Variants in E2F2 observed in about 807,000 individuals in gnomAD.
The protein encoded by E2F2 is transcription factor E2F2.
In E2F2, 22 loss-of-function variants were observed where a neutral mutation model predicts 42.2. The observed-to-expected ratio is 0.52, with a 90% CI of 0.37 to 0.74. The LOEUF (loss-of-function observed/expected upper bound fraction) is 0.74, where lower values mean the gene tolerates loss of function less well. Ranked by LOEUF, E2F2 falls within the 30% of genes least tolerant of loss-of-function variation. E2F2 has a pLI of 0.00. For missense variants in E2F2, 481 were observed against 557.8 expected (o/e 0.86, Z 1.39); for synonymous variants, 248 against 251.6 (o/e 0.99, Z 0.13).
chr1:23,521,015 TG>T lies in E2F2; in HGVS notation c.634del (p.Gln212ArgfsTer3). ...TRPGKQQQLGQELKELMNTEQ... is the reference protein window; with the variant it reads ...TRPGKQQQLGXELKELMNTEQ... ...CGTGTTCATCAGCTCCTTCAGCTCC[TG>T]CCCCAGCTGTTGCTGCTTCCCAGGT... On this transcript the variant is annotated frameshift_variant, in exon 4 of 7. Transcript: ENST00000361729. LOFTEE classifies it high-confidence loss of function. 6.2e-7 allele frequency: 1 copy of T among 1,613,784 alleles called. No homozygotes were observed. The highest frequency in any genetic ancestry group is 8.5e-7 in the Non-Finnish European group (1 of 1,179,790).
rs199962144 is a variant in E2F2 at position 23,516,435 on chromosome 1, C to T, written c.945G>A (p.Glu315=). ...EEVQEPDSPS[E]EPLPSTSTLC... ...GGGTGGAGGTAGAGGGGAGAGGCTC[C>T]TCGGAAGGACTGTCCGGCTCCTGCA... The change falls in exon 6 of 7, where the codon GAG becomes GAA. Residue 315 remains glutamate, a synonymous_variant. Coordinates refer to ENST00000361729, the MANE Select transcript of E2F2 (RefSeq NM_004091.4). 71 of 1,604,260 alleles carry T rather than the reference C, an allele frequency of 4.4e-5. No homozygotes were observed. The East Asian group carries it at 1.5e-3, about 34-fold the overall frequency.
Position 23,530,873 on chromosome 1 carries a change from A to C in E2F2, c.-80T>G. On this transcript the variant is annotated 5_prime_UTR_variant, in exon 1 of 7. Transcript: ENST00000361729. The surrounding 1 kb of genome is among the most constrained non-coding windows in gnomAD (Gnocchi z 4.4). ...GGGTTCCGGTGCTGCCGCCTTTCAC[A>C]CGGCCCGCGGCATGGCGCGGAGGCC... 4 of 1,397,086 alleles carry C rather than the reference A, an allele frequency of 2.9e-6. No individual in the cohort carries two copies. Among genetic ancestry groups the C allele is most frequent in the Non-Finnish European group, 3.7e-6 (4 of 1,076,396 alleles). 86.5% of individuals were successfully genotyped at this position (1,397,086 alleles called of 1,614,324 possible).
chr1:23,509,181 G>C lies in E2F2; in HGVS notation c.*699C>G, dbSNP rs1426128383. Reference sequence around the variant, plus strand: ...CTGGGACCATCTCTGGGACAGAGGCGACCAGGAAGCCAAGACCGGCAGCTC... The same window carrying C: ...CTGGGACCATCTCTGGGACAGAGGCCACCAGGAAGCCAAGACCGGCAGCTC... On this transcript the variant is annotated 3_prime_UTR_variant, in exon 7 of 7. Transcript: ENST00000361729. 1 of 152,184 alleles carries C rather than the reference G, an allele frequency of 6.6e-6. No individual in the cohort carries two copies. The highest frequency in any genetic ancestry group is 1.5e-5 in the Non-Finnish European group (1 of 68,056). The allele number at this position is 152,184 out of a possible 1,614,324, so 9.4% of individuals were successfully genotyped here.
At position 23,509,785 on chromosome 1, in the gene E2F2, C is replaced by A; in HGVS notation, c.*95G>T. ...AGACCCCATGCCCTGAGGGCAGCAC[C>A]TAGTGTCCAATGTCCCTGTGCAGGC... is the stretch of plus-strand genomic sequence containing the variant. On this transcript the variant is annotated 3_prime_UTR_variant, in exon 7 of 7. Transcript: ENST00000361729. 6.9e-7 allele frequency: 1 copy of A among 1,450,052 alleles called. No homozygotes were observed. The highest frequency in any genetic ancestry group is 2.5e-5 in the East Asian group (1 of 39,610). The allele number at this position is 1,450,052 out of a possible 1,614,324, so 89.8% of individuals were successfully genotyped here. A position where few individuals can be genotyped will look rare whatever the true frequency, so the allele number is the denominator to read the frequency against.
In E2F2 at chr1:23,506,606, AG is replaced by A. The variant is rs1176864943; in HGVS notation, c.*3273del. The A allele has an allele frequency of 6.6e-6, 1 of 152,264 alleles. No homozygotes were observed. The highest frequency in any genetic ancestry group is 1.5e-5 in the Non-Finnish European group (1 of 68,064). 9.4% of individuals were successfully genotyped at this position (152,264 alleles called of 1,614,324 possible). On this transcript the variant is annotated 3_prime_UTR_variant, in exon 7 of 7. Coordinates refer to ENST00000361729, the MANE Select transcript of E2F2 (RefSeq NM_004091.4). ...TCACCCTCGAAAAGTGCCACAGGCA[AG>A]GTTCTTCAGCTCACCCAGGAGCCAG...
chr1:23,510,367 C>T (rs1038067931), intron 6 of E2F2, among the ~76,000 whole-genome samples: 12 of 152,102 alleles, frequency 7.9e-5, no homozygotes, highest in South Asian at 6.2e-4. Context: ...ACTCTATCAC[C>T]CAGGCTAGAG....
intron 1 of E2F2, among the ~76,000 whole-genome samples, chr1:23,525,195 C>G (rs2811977): frequency 9.1e-4 from 139 of 152,096 alleles, no homozygotes; most frequent in African/African-American, 2.6e-3. Flanking sequence ...GCCACCCCCC[C>G]CCTCCAGCTC....
intron 6 of E2F2, among the ~76,000 whole-genome samples, chr1:23,513,563 TGTGTG>T (rs1391430556): frequency 6.5e-4 from 3 of 4,632 alleles, no homozygotes; most frequent in Non-Finnish European, 2.2e-3. Context: ...GCACGGAACA[TGTGTG>T]TGTGTGTGTG....
In E2F2 at chr1:23,524,381, A is replaced by G. The variant is rs1255167226; in HGVS notation, c.358+2T>C. The G allele has an allele frequency of 6.3e-7, 1 of 1,597,106 alleles. No individual in the cohort carries two copies. Among genetic ancestry groups the G allele is most frequent in the South Asian group, 1.1e-5 (1 of 89,666 alleles). On this transcript the variant is annotated splice_donor_variant, in intron 2 of 6. Transcript: ENST00000361729. LOFTEE classifies it high-confidence loss of function. ...CCCAGAGGCCCCATCAGCACTGCTT[A>G]CTTTTGGGGCTGGGGAGGCCATCCA... is the stretch of plus-strand genomic sequence containing the variant.
intron 5 of E2F2, among the ~76,000 whole-genome samples, chr1:23,518,487 A>G (rs1643070475): frequency 6.6e-6 from 1 of 151,972 alleles, no homozygotes; most frequent in African/African-American, 2.4e-5. Flanking sequence ...AAATAAATAA[A>G]TAAATAAATA....
intron 6 of E2F2, 45 bp from the exon 7 acceptor site, chr1:23,510,193 C>T (rs1476270247): frequency 1.3e-6 from 2 of 1,499,400 alleles, no homozygotes; most frequent in African/African-American, 2.8e-5. Context: ...TAGCATCCAA[C>T]TCCTCAGCAC....
intron 6 of E2F2, among the ~76,000 whole-genome samples, chr1:23,513,317 T>G (rs1270872516): frequency 6.6e-6 from 1 of 151,982 alleles, no homozygotes; most frequent in Non-Finnish European, 1.5e-5. Flanking sequence ...CAATTTCAAA[T>G]CCTGTGCCAT....
intron 5 of E2F2, among the ~76,000 whole-genome samples, chr1:23,517,537 C>G (rs573082793): frequency 4.6e-5 from 7 of 152,340 alleles, no homozygotes; most frequent in African/African-American, 1.7e-4. Context: ...CCTTAATTGT[C>G]TCTGCAGCCC....
At chr1:23,519,155 T>C in intron 4 of E2F2, 25 bp from the exon 5 acceptor site, 4 of 1,593,980 alleles carry the variant, frequency 2.5e-6, no homozygotes, top group South Asian at 1.1e-5. Context: ...TCAAGAAAAG[T>C]GACTGTCTGG....
In E2F2 at chr1:23,520,997, A is replaced by G; in HGVS notation, c.653T>C (p.Met218Thr). ...CTGGTCCAAGGCCTGCTCCGTGTTC[A>G]TCAGCTCCTTCAGCTCCTGCCCCAG... Reference protein sequence around the residue: ...QQLGQELKELMNTEQALDQLI... With the variant: ...QQLGQELKELTNTEQALDQLI... Residue 218 changes from methionine to threonine, a missense_variant, in exon 4 of 7, where the codon ATG becomes ACG. Met to Thr is a moderately conservative substitution (Grantham distance 81). Coordinates refer to ENST00000361729, the MANE Select transcript of E2F2 (RefSeq NM_004091.4). 1 of 1,613,768 alleles carries G rather than the reference A, an allele frequency of 6.2e-7. No homozygotes were observed.
rs1643159702 is a variant in E2F2, at chr1:23,522,024, C to T, written c.391G>A (p.Asp131Asn). Residue 131 changes from aspartate (D) to asparagine (N), a missense_variant, in exon 3 of 7, where the codon GAC (aspartate) becomes AAC (asparagine). Coordinates refer to ENST00000361729, the MANE Select transcript of E2F2 (RefSeq NM_004091.4). ...PKSPGEKTRY[D>N]TSLGLLTKKF... ...TTGGTGAGCAGCCCCAGCGAAGTGT[C>T]ATACCGAGTCTTCTCCCCGGGGGAT... is the stretch of plus-strand genomic sequence containing the variant. The T allele has an allele frequency of 6.2e-7, 1 of 1,614,194 alleles. No homozygotes were observed. The highest frequency in any genetic ancestry group is 8.5e-7 in the Non-Finnish European group (1 of 1,180,040).
intron 6 of E2F2, among the ~76,000 whole-genome samples, chr1:23,510,859 G>C (rs1380497175): frequency 1.3e-5 from 2 of 152,150 alleles, no homozygotes; most frequent in African/African-American, 4.8e-5. Flanking sequence ...GATGAATGGT[G>C]ATGGTTACAC....
intron 2 of E2F2, among the ~76,000 whole-genome samples, chr1:23,524,098 C>A (rs60918921): frequency 0.6 from 75,527 of 126,452 alleles, 23,345 homozygotes; most frequent in East Asian, 0.83. Context: ...ACAACAACAA[C>A]AACAACAAAA....
Position 23,530,396 on chromosome 1 carries a change from G to A in E2F2, c.252+146C>T. ...AAGGGGTCTTCTACTCAGATATTGG[G>A]GGCACTGGGTCCTGGAAACTGAAAG... On this transcript the variant is annotated intron_variant, in intron 1 of 6. Transcript: ENST00000361729. The surrounding 1 kb of genome is among the most constrained non-coding windows in gnomAD (Gnocchi z 4.4). The A allele has an allele frequency of 3.7e-6, 4 of 1,087,486 alleles. No homozygotes were observed. Among genetic ancestry groups the A allele is most frequent in the Non-Finnish European group, 5.1e-6 (4 of 778,918 alleles). The allele number at this position is 1,087,486 out of a possible 1,614,324, so 67.4% of individuals were successfully genotyped here.
Sources: gnomAD v4.1 joint callset for allele counts (sites outside exome capture counted in the v4.1 genomes callset) on GRCh38, gnomAD v4.1.1 for gene constraint, Gnocchi (gnomAD v3.1) non-coding constraint, MANE v1.5 for transcripts, NCBI Gene and HGNC (gene_info 2026-07-23, HGNC 2026-07-21) for gene names.